The following DCDC1 variants were observed in gnomAD, a reference collection of about 807,000 sequenced individuals.
DCDC1 encodes doublecortin domain containing 1.
Under a neutral mutation model 178.3 loss-of-function variants are expected in DCDC1, and 200 were observed. That is an observed-to-expected ratio of 1.12 (90% CI 1.00 to 1.26). The LOEUF (loss-of-function observed/expected upper bound fraction) is 1.26. DCDC1 is among the 50% of genes most tolerant of loss of function. The probability of loss-of-function intolerance (pLI) is 0.00; values close to 1 mark genes in which losing one functional copy is unlikely to be tolerated. For missense variants in DCDC1, 1,983 were observed against 1,749.2 expected, an observed-to-expected ratio of 1.13 and a Z score of -2.38; for synonymous variants, 690 against 604.8, an observed-to-expected ratio of 1.14 and a Z score of -2.07.
chr11:30,902,932 TC>T (rs1654351320), intron 32 of DCDC1, among the ~76,000 whole-genome samples: 1 of 152,174 alleles, frequency 6.6e-6, no homozygotes, highest in South Asian at 2.1e-4. Flanking sequence ...CAGATCATTA[TC>T]ATGCAGTGTG....
chr11:30,931,077 T>C (rs989657472), intron 22 of DCDC1, among the ~76,000 whole-genome samples: 1 of 152,118 alleles, frequency 6.6e-6, no homozygotes, highest in African/African-American at 2.4e-5. Context: ...AGAGGTAATA[T>C]GGCTGCTAAT....
intron 20 of DCDC1, among the ~76,000 whole-genome samples, chr11:31,021,103 G>T (rs1489028046): frequency 6.6e-6 from 1 of 152,190 alleles, no homozygotes; most frequent in Non-Finnish European, 1.5e-5. Flanking sequence ...AGCTATGTAT[G>T]CAACAGGCAC....
At chr11:30,898,659 A>C (rs551487562) in intron 34 of DCDC1, among the ~76,000 whole-genome samples, 1 of 152,342 alleles carries the variant, frequency 6.6e-6, no homozygotes, top group African/African-American at 2.4e-5. Context: ...GTCTAGCAGT[A>C]GGAGTGGTAG....
At chr11:31,054,993 T>A (rs1395526874) in intron 20 of DCDC1, among the ~76,000 whole-genome samples, 1 of 151,082 alleles carries the variant, frequency 6.6e-6, no homozygotes, top group East Asian at 1.9e-4. Context: ...AGTTGTGACT[T>A]AATTAAACTA....
At chr11:31,227,315 A>C (rs1367651560) in intron 9 of DCDC1, among the ~76,000 whole-genome samples, 7 of 152,150 alleles carry the variant, frequency 4.6e-5, no homozygotes, top group Admixed American at 4.6e-4. Context: ...GAGTCAACAC[A>C]TCAAATGGTA....
intron 7 of DCDC1, among the ~76,000 whole-genome samples, chr11:31,268,095 C>G (rs1357610993): frequency 6.6e-6 from 1 of 152,190 alleles, no homozygotes; most frequent in Non-Finnish European, 1.5e-5. Flanking sequence ...CATTACTTAT[C>G]TTTCCAGTCC....
In DCDC1 at chr11:31,094,583, C is replaced by T. The variant is rs77527988; in HGVS notation, c.1984-399G>A. On this transcript the variant is annotated intron_variant, in intron 15 of 38. Transcript: ENST00000684477. ...CCTAAAGGTGGAGCATCTTGAAAGA[C>T]GTTAACATGTAAAGCAGGCCTTGAA... Among the ~76,000 whole-genome samples the T allele has an allele frequency of 5.2e-3, 785 of 152,096 alleles. 6 individuals are homozygous for T. Among genetic ancestry groups the T allele is most frequent in the African/African-American group, 0.018 (738 of 41,496 alleles).
intron 20 of DCDC1, among the ~76,000 whole-genome samples, chr11:30,997,858 G>C (rs927120980): frequency 6.6e-6 from 1 of 151,924 alleles, no homozygotes; most frequent in African/African-American, 2.4e-5. Context: ...TCCAGACCTT[G>C]GTTTCTAAAT....
At chr11:30,865,629 C>T (rs571472748) in intron 38 of DCDC1, among the ~76,000 whole-genome samples, 1 of 152,250 alleles carries the variant, frequency 6.6e-6, no homozygotes, top group African/African-American at 2.4e-5. Context: ...TCTGAACTAT[C>T]TGGCCAGGCA....
intron 27 of DCDC1, among the ~76,000 whole-genome samples, chr11:30,914,778 C>A (rs1162023848): frequency 6.6e-6 from 1 of 152,004 alleles, no homozygotes; most frequent in Non-Finnish European, 1.5e-5. Context: ...TGTCTTACAA[C>A]AAATCTAAGA....
chr11:30,973,925 C>G (rs1374408334), intron 20 of DCDC1, among the ~76,000 whole-genome samples: 2 of 152,088 alleles, frequency 1.3e-5, no homozygotes, highest in Non-Finnish European at 2.9e-5. Flanking sequence ...CCAATAGCTA[C>G]AGAATACTCA....
intron 9 of DCDC1, among the ~76,000 whole-genome samples, chr11:31,159,697 T>G (rs1404237417): frequency 6.6e-6 from 1 of 152,180 alleles, no homozygotes. Flanking sequence ...AATTTCCTCT[T>G]CTCTATTAAT....
intron 20 of DCDC1, among the ~76,000 whole-genome samples, chr11:31,063,935 T>C (rs1352634262): frequency 2.6e-5 from 4 of 152,068 alleles, no homozygotes; most frequent in Non-Finnish European, 5.9e-5. Context: ...ATAAAGAGGA[T>C]CAGAGAAATT....
chr11:31,267,162 C>A (rs948718720), intron 7 of DCDC1, among the ~76,000 whole-genome samples: 2 of 151,978 alleles, frequency 1.3e-5, no homozygotes, highest in African/African-American at 4.8e-5. Flanking sequence ...AGAATGCATA[C>A]CTGCTCATTA....
intron 20 of DCDC1, among the ~76,000 whole-genome samples, chr11:31,016,898 T>C (rs1952512918): frequency 6.6e-6 from 1 of 152,216 alleles, no homozygotes; most frequent in East Asian, 1.9e-4. Flanking sequence ...TTTCTGTCAG[T>C]TGTTTTGTCT....
chr11:31,084,353 AT>A (rs562089947), intron 17 of DCDC1, among the ~76,000 whole-genome samples: 243 of 152,266 alleles, frequency 1.6e-3, no homozygotes, highest in African/African-American at 5.7e-3. Flanking sequence ...GAAGATATTT[AT>A]TGTTATTTAT....
intron 38 of DCDC1, among the ~76,000 whole-genome samples, chr11:30,873,239 T>A (rs1941763090): frequency 6.6e-6 from 1 of 150,590 alleles, no homozygotes; most frequent in Non-Finnish European, 1.5e-5. Context: ...CACAATGGGA[T>A]TTATCCTATC....
intron 22 of DCDC1, among the ~76,000 whole-genome samples, chr11:30,928,465 T>A (rs1277422319): frequency 2.6e-5 from 4 of 151,410 alleles, no homozygotes; most frequent in Non-Finnish European, 4.4e-5. Flanking sequence ...ACGCCACTCT[T>A]AATTCAAGCA....
chr11:31,290,285 A>G (rs1378027077), intron 7 of DCDC1, among the ~76,000 whole-genome samples: 1 of 152,040 alleles, frequency 6.6e-6, no homozygotes, highest in East Asian at 1.9e-4. Flanking sequence ...GAAAAGAGGC[A>G]GATTTGAGAC....
Sources: gnomAD v4.1 joint callset for allele counts (sites outside exome capture counted in the v4.1 genomes callset) on GRCh38, gnomAD v4.1.1 for gene constraint, MANE v1.5 for transcripts, NCBI Gene and HGNC (gene_info 2026-07-23, HGNC 2026-07-21) for gene names.